MYCBP2: variants seen among roughly 807,000 people sequenced by gnomAD.
MYCBP2 encodes MYC binding protein 2, also known as E3 ubiquitin-protein ligase MYCBP2.
Under a neutral mutation model 525.3 loss-of-function variants are expected in MYCBP2, and 120 were observed. That is an observed-to-expected ratio of 0.23 (90% confidence interval 0.20 to 0.27). The LOEUF is 0.27. Ranked by LOEUF, MYCBP2 falls within the 10% of genes least tolerant of loss-of-function variation. The pLI is 1.00. For missense variants in MYCBP2, 4,149 were observed against 5,657.1 expected, an observed-to-expected ratio of 0.73 and a Z score of 8.55; for synonymous variants, 1,894 against 1,955.8, an observed-to-expected ratio of 0.97 and a Z score of 0.83.
intron 37 of MYCBP2, among the ~76,000 whole-genome samples, chr13:77,172,648 A>C (rs1392071905): frequency 1.3e-5 from 2 of 152,232 alleles, no homozygotes; most frequent in South Asian, 4.1e-4. Context: ...TTAGAAGTAC[A>C]GCTGACAGGA....
At chr13:77,211,840 G>T in intron 22 of MYCBP2, 116 bp downstream of exon 22, 1 of 793,270 alleles carries the variant, frequency 1.3e-6, no homozygotes, top group Non-Finnish European at 2.0e-6. Flanking sequence ...AAATTTCTTT[G>T]AGCAGAAAGA....
chr13:77,122,516 C>T (rs1365818642), intron 54 of MYCBP2, among the ~76,000 whole-genome samples: 1 of 151,794 alleles, frequency 6.6e-6, no homozygotes, highest in Non-Finnish European at 1.5e-5. Context: ...GGTGAAACCC[C>T]TTCTGTACTA....
chr13:77,054,063 T>C (rs754641441), intron 80 of MYCBP2, among the ~76,000 whole-genome samples: 4 of 151,974 alleles, frequency 2.6e-5, no homozygotes, highest in Non-Finnish European at 4.4e-5. Flanking sequence ...GATGGGGGTA[T>C]GTTACAGAGG....
chr13:77,166,509 G>A lies in MYCBP2; in HGVS notation c.6160C>T (p.Pro2054Ser), dbSNP rs1355691698. Residue 2054 changes from proline (P) to serine (S), a missense_variant, in exon 41 of 83, where the codon CCT (proline) becomes TCT (serine). By Grantham distance (74) the Pro-to-Ser change is moderately conservative. This residue lies in a region of MYCBP2 where 692 missense variants were observed against 852.7 expected (regional missense o/e 0.81). Transcript: ENST00000544440. ...CVRWMTIEFD[P>S]QCGTAQSEDV... ...TCTGACTGTGCAGTACCACACTGAGGGTCAAATTCGATTGTCATCCACCTC... is the reference window on the plus strand; with the variant it reads ...TCTGACTGTGCAGTACCACACTGAGAGTCAAATTCGATTGTCATCCACCTC... 6.2e-7 allele frequency: 1 copy of A among 1,613,018 alleles called. No individual in the cohort carries two copies. Among genetic ancestry groups the A allele is most frequent in the Non-Finnish European group, 8.5e-7 (1 of 1,179,482 alleles).
At chr13:77,070,282 T>C (rs1165070261) in intron 69 of MYCBP2, among the ~76,000 whole-genome samples, 1 of 152,230 alleles carries the variant, frequency 6.6e-6, no homozygotes, top group Non-Finnish European at 1.5e-5. Context: ...AAAGCCTTCA[T>C]AAATTTTTCA....
intron 65 of MYCBP2, chr13:77,080,768 C>G (rs1408142318): frequency 2.6e-5 from 4 of 152,018 alleles, no homozygotes; most frequent in African/African-American, 9.7e-5. Context: ...ATGGTGAAAC[C>G]CTGTCTCTAC....
At chr13:77,203,308 A>G (rs1244348011) in intron 26 of MYCBP2, among the ~76,000 whole-genome samples, 48 of 152,052 alleles carry the variant, frequency 3.2e-4, no homozygotes, top group African/African-American at 1.1e-3. Context: ...GCTTCAAAGA[A>G]AATAAAATAC....
In MYCBP2 at chr13:77,326,738, G is replaced by A; in HGVS notation, c.38C>T (p.Ala13Val). 1 of 1,409,138 alleles carries A rather than the reference G, an allele frequency of 7.1e-7. No individual in the cohort carries two copies. Among genetic ancestry groups the A allele is most frequent in the African/African-American group, 1.5e-5 (1 of 65,488 alleles). 87.3% of individuals were successfully genotyped at this position (1,409,138 alleles called of 1,614,324 possible). The change falls in exon 1 of 83, where the codon GCC (alanine) becomes GTC (valine). Residue 13 changes from alanine (A) to valine (V), a missense_variant. Ala to Val is a moderately conservative substitution (Grantham distance 64). Transcript: ENST00000544440. The surrounding 1 kb of genome is among the most constrained non-coding windows in gnomAD (Gnocchi z 4.2). ...MCAATASPAA[A>V]SSGLGGDGFY... ...TCCGTCCCCGCCGAGCCCCGAGGAGGCGGCGGCGGGGGAGGCAGTCGCTGC... is the reference window on the plus strand; with the variant it reads ...TCCGTCCCCGCCGAGCCCCGAGGAGACGGCGGCGGGGGAGGCAGTCGCTGC...
At chr13:77,180,002 A>G (rs1247137709) in intron 34 of MYCBP2, 125 bp downstream of exon 34, 1 of 662,424 alleles carries the variant, frequency 1.5e-6, no homozygotes, top group Non-Finnish European at 2.5e-6. Flanking sequence ...AAAGAAAAAC[A>G]ATGCATTGGG....
At chr13:77,283,275 GCT>G (rs1302663259) in intron 3 of MYCBP2, among the ~76,000 whole-genome samples, 1 of 151,886 alleles carries the variant, frequency 6.6e-6, no homozygotes, top group Non-Finnish European at 1.5e-5. Context: ...TTAGCTTCCT[GCT>G]CTCTCTCTCT....
Position 77,097,764 on chromosome 13 carries a change from A to T in MYCBP2, c.9390T>A (p.His3130Gln), listed in dbSNP as rs2046470804. Residue 3130 changes from histidine to glutamine, a missense_variant, in exon 56 of 83, where the codon CAT (histidine) becomes CAA (glutamine). Physicochemically the swap from His to Gln is conservative, Grantham distance 24 (BLOSUM62 0). Around this residue, in one of 21 missense-constraint regions of MYCBP2, gnomAD observed 653 missense variants for 744.7 expected, o/e 0.88. Transcript: ENST00000544440. The part of the protein sequence containing the change: ...VLSMLKEPPL[H>Q]EKCEDGKTET... Reference sequence around the variant, plus strand: ...CGGTTTTCCCATCCTCACATTTTTCATGCAGAGGTGGTTCCTTAAGCATAG... The same window carrying T: ...CGGTTTTCCCATCCTCACATTTTTCTTGCAGAGGTGGTTCCTTAAGCATAG... 1 of 1,613,670 alleles carries T rather than the reference A, an allele frequency of 6.2e-7. No homozygotes were observed. The highest frequency in any genetic ancestry group is 8.5e-7 in the Non-Finnish European group (1 of 1,179,770).
rs189042420 is a variant in MYCBP2, at chr13:77,247,315, A to G, written c.2382-3364T>C. Among the ~76,000 whole-genome samples the G allele has an allele frequency of 1.8e-4, 28 of 152,326 alleles. No individual in the cohort carries two copies. The East Asian group carries it at 5.4e-3, about 29-fold the overall frequency. On this transcript the variant is annotated intron_variant, in intron 15 of 82. Coordinates refer to ENST00000544440, the MANE Select transcript of MYCBP2 (RefSeq NM_015057.5). ...GTTGTATTTCTAGACACTAACAATGAACAATATGAAAAGGAAATTACAGAA... is the reference window on the plus strand; with the variant it reads ...GTTGTATTTCTAGACACTAACAATGGACAATATGAAAAGGAAATTACAGAA...
intron 17 of MYCBP2, among the ~76,000 whole-genome samples, chr13:77,239,801 A>C (rs778928357): frequency 3.3e-5 from 5 of 152,226 alleles, no homozygotes; most frequent in Non-Finnish European, 7.3e-5. Flanking sequence ...CACCTGAAAG[A>C]GAGTCCTCCA....
chr13:77,141,006 T>C, intron 49 of MYCBP2, 63 bp from the exon 50 acceptor site: 2 of 1,183,256 alleles, frequency 1.7e-6, no homozygotes, highest in Non-Finnish European at 2.4e-6. Context: ...TCCTTAAACC[T>C]AATCTTATAA....
rs958901057 is a variant in MYCBP2 at position 77,118,611 on chromosome 13, C to G, written c.8140+2762G>C. 1.2e-4 allele frequency: 70 copies of G among 567,310 alleles called. No homozygotes were observed. The Admixed American group carries it at 1.3e-3, about 11-fold the overall frequency. The allele number at this position is 567,310 out of a possible 1,614,324, so 35.1% of individuals were successfully genotyped here. On this transcript the variant is annotated intron_variant, in intron 55 of 82. Coordinates refer to ENST00000544440, the MANE Select transcript of MYCBP2 (RefSeq NM_015057.5). ...AGTTGAACACTAAATAAAACCATGC[C>G]AATTCAGAAATGAGTGAAAATTGGT...
intron 3 of MYCBP2, 90 bp downstream of exon 3, chr13:77,288,071 G>T: frequency 1.5e-6 from 2 of 1,292,776 alleles, no homozygotes; most frequent in Non-Finnish European, 1.1e-6. Flanking sequence ...TTTACATAAA[G>T]CAAAGTATTT....
chr13:77,299,819 A>G lies in MYCBP2; in HGVS notation c.303-3145T>C, dbSNP rs77838585. 6.3e-3 allele frequency among the ~76,000 whole-genome samples: 952 copies of G among 152,314 alleles called. 10 individuals are homozygous for G. The highest frequency in any genetic ancestry group is 0.052 in the East Asian group (269 of 5,192). ...AATAACTTCATATCCATCAGATTTG[A>G]AAGAATTGTGGTTGACAATAAAAGG... On this transcript the variant is annotated intron_variant, in intron 1 of 82. Coordinates refer to ENST00000544440, the MANE Select transcript of MYCBP2 (RefSeq NM_015057.5).
intron 55 of MYCBP2, among the ~76,000 whole-genome samples, chr13:77,101,540 G>A (rs2047065836): frequency 6.6e-6 from 1 of 151,974 alleles, no homozygotes; most frequent in African/African-American, 2.4e-5. Context: ...GAGCAAAAAA[G>A]TTTATTACAT....
At chr13:77,196,801 G>A (rs571394455) in intron 26 of MYCBP2, among the ~76,000 whole-genome samples, 6 of 152,150 alleles carry the variant, frequency 3.9e-5, no homozygotes, top group African/African-American at 1.2e-4. Flanking sequence ...GAGACACAGC[G>A]TAGGCTGTTG....
Sources: allele counts gnomAD v4.1 joint callset (sites outside exome capture counted in the v4.1 genomes callset), GRCh38; gene constraint gnomAD v4.1.1; regional missense constraint gnomAD v4.1.1; non-coding constraint Gnocchi (gnomAD v3.1); transcripts MANE v1.5; gene names NCBI Gene and HGNC (gene_info 2026-07-23, HGNC 2026-07-21).